Variants in KHDRBS2 observed in about 807,000 individuals in gnomAD.
KHDRBS2 encodes KH RNA binding domain containing, signal transduction associated 2.
Under a neutral mutation model 44.3 loss-of-function variants are expected in KHDRBS2, and 26 were observed. The observed-to-expected ratio is 0.59, with a 90% CI of 0.43 to 0.81. KHDRBS2 has a LOEUF of 0.81. Ranked by LOEUF, KHDRBS2 falls within the 40% of genes least tolerant of loss-of-function variation. KHDRBS2 has a pLI of 0.00. For synonymous variants in KHDRBS2, 194 were observed against 151.1 expected, an observed-to-expected ratio of 1.28 and a Z score of -2.08; for missense variants, 476 against 433.1, an observed-to-expected ratio of 1.10 and a Z score of -0.88.
intron 2 of KHDRBS2, among the ~76,000 whole-genome samples, chr6:62,145,066 G>A (rs1025134978): frequency 7.2e-5 from 11 of 151,912 alleles, no homozygotes; most frequent in Non-Finnish European, 1.6e-4. Context: ...CTAGCACCCT[G>A]ATTTTTGTAC....
chr6:61,663,589 C>T, the KHDRBS2 span, among the ~76,000 whole-genome samples: 3 of 130,724 alleles, frequency 2.3e-5, no homozygotes, highest in South Asian at 7.9e-4. Flanking sequence ...CTGACTACCG[C>T]TGACCATTAT....
chr6:62,179,157 T>G (rs1380990929), intron 1 of KHDRBS2, among the ~76,000 whole-genome samples: 2 of 151,598 alleles, frequency 1.3e-5, no homozygotes, highest in Non-Finnish European at 3.0e-5. Flanking sequence ...TTAAAAGAAT[T>G]ATTTTGGAGT....
At chr6:62,124,027 C>T (rs556775863) in intron 2 of KHDRBS2, among the ~76,000 whole-genome samples, 2 of 152,270 alleles carry the variant, frequency 1.3e-5, no homozygotes, top group Admixed American at 6.5e-5. Context: ...TATGTTTAAA[C>T]TGCTTTGGCA....
At chr6:62,250,318 C>A (rs994080486) in intron 1 of KHDRBS2, among the ~76,000 whole-genome samples, 10 of 152,062 alleles carry the variant, frequency 6.6e-5, no homozygotes, top group Non-Finnish European at 1.5e-4. Context: ...AACTTTAGTA[C>A]ACAACTCGCT....
At chr6:61,624,188 C>T in the KHDRBS2 span, among the ~76,000 whole-genome samples, 2 of 152,262 alleles carry the variant, frequency 1.3e-5, no homozygotes, top group Non-Finnish European at 2.9e-5. Flanking sequence ...GCAGACAAAA[C>T]GATTTGTCCA....
intron 3 of KHDRBS2, among the ~76,000 whole-genome samples, chr6:62,040,997 C>T (rs938088413): frequency 2.6e-5 from 4 of 152,062 alleles, no homozygotes; most frequent in African/African-American, 9.7e-5. Flanking sequence ...TATAACCTGG[C>T]CCCTTTCCAT....
chr6:61,604,856 C>G, the KHDRBS2 span, among the ~76,000 whole-genome samples: 1 of 152,148 alleles, frequency 6.6e-6, no homozygotes, highest in Non-Finnish European at 1.5e-5. Flanking sequence ...CATTTCTTCC[C>G]TTCTGTAAGA....
intron 3 of KHDRBS2, among the ~76,000 whole-genome samples, chr6:62,035,385 C>T (rs1256106540): frequency 6.6e-6 from 1 of 151,798 alleles, no homozygotes; most frequent in African/African-American, 2.4e-5. Context: ...GTGAAATAAG[C>T]CAGTATAGAA....
chr6:61,782,548 G>A (rs960644844), intron 6 of KHDRBS2, among the ~76,000 whole-genome samples: 4 of 151,530 alleles, frequency 2.6e-5, no homozygotes, highest in Admixed American at 2.6e-4. Context: ...CTATTCAAAA[G>A]ATTTTTATAG....
the KHDRBS2 span, among the ~76,000 whole-genome samples, chr6:61,637,887 T>C: frequency 2.0e-5 from 3 of 152,128 alleles, no homozygotes; most frequent in Non-Finnish European, 4.4e-5. Context: ...GGGTGTTTGT[T>C]TTTTTCTTGT....
At chr6:61,784,435 T>G (rs1024660689) in intron 6 of KHDRBS2, among the ~76,000 whole-genome samples, 15 of 151,898 alleles carry the variant, frequency 9.9e-5, no homozygotes, top group African/African-American at 3.6e-4. Context: ...AAATGTAATA[T>G]GAGAAATAAC....
the KHDRBS2 span, among the ~76,000 whole-genome samples, chr6:61,589,645 G>A: frequency 6.6e-6 from 1 of 152,100 alleles, no homozygotes; most frequent in African/African-American, 2.4e-5. Context: ...GGACTGGATA[G>A]GAACAAGTTA....
chr6:61,863,041 AT>A (rs951529128), intron 6 of KHDRBS2, among the ~76,000 whole-genome samples: 7 of 151,606 alleles, frequency 4.6e-5, no homozygotes, highest in African/African-American at 9.7e-5. Context: ...CTATTTATCC[AT>A]TTTTTCCTAG....
chr6:61,735,159 T>TTA (rs763509161), intron 6 of KHDRBS2, among the ~76,000 whole-genome samples: 1 of 152,146 alleles, frequency 6.6e-6, no homozygotes, highest in African/African-American at 2.4e-5. Flanking sequence ...GGTGATAAAT[T>TTA]TAAATTATAC....
the KHDRBS2 span, among the ~76,000 whole-genome samples, chr6:61,559,613 A>G: frequency 1.4e-4 from 21 of 152,280 alleles, no homozygotes; most frequent in African/African-American, 4.1e-4. Context: ...TGAAGCTTGC[A>G]AATAATATTT....
At chr6:62,138,374 A>G (rs1460487426) in intron 2 of KHDRBS2, among the ~76,000 whole-genome samples, 2 of 152,170 alleles carry the variant, frequency 1.3e-5, no homozygotes, top group Admixed American at 6.5e-5. Context: ...TATTGTTAAG[A>G]GCCATTGGTG....
At chr6:61,562,890 G>A in the KHDRBS2 span, among the ~76,000 whole-genome samples, 2 of 152,180 alleles carry the variant, frequency 1.3e-5, no homozygotes, top group South Asian at 2.1e-4. Flanking sequence ...AGGATGAGTT[G>A]TTATCTATTT....
chr6:61,891,402 G>T (rs1184739720), intron 6 of KHDRBS2, among the ~76,000 whole-genome samples: 3 of 151,916 alleles, frequency 2.0e-5, no homozygotes. Context: ...CTCTTTTTTT[G>T]TTGTGTCTCT....
chr6:62,137,959 T>C (rs1562942568), intron 2 of KHDRBS2, among the ~76,000 whole-genome samples: 1 of 152,238 alleles, frequency 6.6e-6, no homozygotes. Flanking sequence ...CAATGTGCTG[T>C]CTTTCCATGT....
Sources: gnomAD v4.1 joint callset for allele counts (sites outside exome capture counted in the v4.1 genomes callset) on GRCh38, gnomAD v4.1.1 for gene constraint, MANE v1.5 for transcripts, NCBI Gene and HGNC (gene_info 2026-07-23, HGNC 2026-07-21) for gene names.